The following YAP1 variants were observed in gnomAD, a reference collection of about 807,000 sequenced individuals.
YAP1 encodes the protein Yes1 associated transcriptional regulator.
In YAP1, 5 loss-of-function variants were observed where a neutral mutation model predicts 56.9. The observed-to-expected ratio is 0.09, with a 90% CI of 0.05 to 0.18. The LOEUF (loss-of-function observed/expected upper bound fraction) is 0.18. Among genes scored for constraint, YAP1 ranks in the 10% least tolerant of loss-of-function variants. YAP1 has a pLI of 1.00. For missense variants in YAP1, 539 were observed against 651.8 expected (o/e 0.83, Z 1.88); for synonymous variants, 265 against 248.1 (o/e 1.07, Z -0.64).
At chr11:102,212,684 A>T (rs1949464876) in intron 6 of YAP1, among the ~76,000 whole-genome samples, 1 of 152,100 alleles carries the variant, frequency 6.6e-6, no homozygotes, top group Admixed American at 6.5e-5. Context: ...TCCCGGGTTC[A>T]AATGATTCTG....
At chr11:102,169,738 A>G (rs1028086971) in intron 3 of YAP1, among the ~76,000 whole-genome samples, 1 of 152,210 alleles carries the variant, frequency 6.6e-6, no homozygotes, top group Non-Finnish European at 1.5e-5. Context: ...GTATAAGGAA[A>G]AGCATAATAA....
chr11:102,197,293 G>T (rs1166138021), intron 4 of YAP1, among the ~76,000 whole-genome samples: 1 of 152,142 alleles, frequency 6.6e-6, no homozygotes, highest in Non-Finnish European at 1.5e-5. Flanking sequence ...TGGGAGATTT[G>T]ATGTAATGTT....
At chr11:102,127,924 C>T (rs187844448) in intron 2 of YAP1, among the ~76,000 whole-genome samples, 15 of 152,324 alleles carry the variant, frequency 9.8e-5, no homozygotes, top group Admixed American at 2.6e-4. Context: ...CACTGGATTT[C>T]GGACTCGCAT....
At chr11:102,132,253 T>A (rs1448552426) in intron 2 of YAP1, among the ~76,000 whole-genome samples, 1 of 152,256 alleles carries the variant, frequency 6.6e-6, no homozygotes, top group African/African-American at 2.4e-5. Flanking sequence ...AGCTAGTGAT[T>A]GTGTGGACAT....
At position 102,227,585 on chromosome 11, in the gene YAP1, G is replaced by A; in HGVS notation, c.1276+4G>A. 1.3e-6 allele frequency: 2 copies of A among 1,599,690 alleles called. No individual in the cohort carries two copies. The highest frequency in any genetic ancestry group is 1.1e-5 in the South Asian group (1 of 90,200). On this transcript the variant is annotated splice_donor_region_variant and intron_variant, in intron 8 of 8. Coordinates refer to ENST00000282441, the MANE Select transcript of YAP1 (RefSeq NM_001130145.3). Reference sequence around the variant, plus strand: ...AGTGTGGATGAGATGGATACAGGTTGGTATTCTTTATTCCTCTTAGTAACC... The same window carrying A: ...AGTGTGGATGAGATGGATACAGGTTAGTATTCTTTATTCCTCTTAGTAACC...
intron 4 of YAP1, among the ~76,000 whole-genome samples, chr11:102,187,432 G>T (rs2135515597): frequency 6.6e-6 from 1 of 152,254 alleles, no homozygotes; most frequent in South Asian, 2.1e-4. Context: ...ATTTGAATTA[G>T]CCCTTGTGAT....
chr11:102,164,578 A>G (rs975362208), intron 3 of YAP1, among the ~76,000 whole-genome samples: 6 of 152,218 alleles, frequency 3.9e-5, no homozygotes, highest in Non-Finnish European at 7.3e-5. Context: ...GCGTCTAACA[A>G]GGTTGATTGT....
chr11:102,186,517 G>A (rs914649198), intron 4 of YAP1: 3 of 255,306 alleles, frequency 1.2e-5, no homozygotes, highest in African/African-American at 4.7e-5. Flanking sequence ...GTGACCTGAT[G>A]TCTGCTTGTG....
intron 3 of YAP1, among the ~76,000 whole-genome samples, chr11:102,183,517 A>G (rs986366615): frequency 2.0e-5 from 3 of 152,204 alleles, no homozygotes; most frequent in African/African-American, 4.8e-5. Context: ...GAAGTGGTCA[A>G]AAAAGAGAGC....
intron 4 of YAP1, among the ~76,000 whole-genome samples, chr11:102,190,671 C>T (rs1440281212): frequency 6.6e-6 from 1 of 152,048 alleles, no homozygotes; most frequent in African/African-American, 2.4e-5. Flanking sequence ...GATGCAGTGG[C>T]TCACGCCTGT....
Position 102,186,106 on chromosome 11 carries a change from A to C in YAP1, c.777A>C (p.Leu259=). The change falls in exon 4 of 9, where the codon CTA becomes CTC. Residue 259 remains leucine, a synonymous_variant. Coordinates refer to ENST00000282441, the MANE Select transcript of YAP1 (RefSeq NM_001130145.3). ...INHKNKTTSW[L]DPRLDPRFAM... ...ATAAGAACAAGACCACCTCTTGGCTAGACCCAAGGCTTGACCCTCGTTTTG... is the reference window on the plus strand; with the variant it reads ...ATAAGAACAAGACCACCTCTTGGCTCGACCCAAGGCTTGACCCTCGTTTTG... The C allele has an allele frequency of 6.2e-7, 1 of 1,613,206 alleles. No homozygotes were observed. The highest frequency in any genetic ancestry group is 8.5e-7 in the Non-Finnish European group (1 of 1,179,540).
rs2135731411 is a variant in YAP1 at position 102,230,330 on chromosome 11, G to A, written c.*390G>A. 1 of 172,000 alleles carries A rather than the reference G, an allele frequency of 5.8e-6. No individual in the cohort carries two copies. The highest frequency in any genetic ancestry group is 1.6e-4 in the East Asian group (1 of 6,330). 10.7% of individuals were successfully genotyped at this position (172,000 alleles called of 1,614,324 possible). ...CAGATGCTTCATGTCACAGCATTTA[G>A]TTTGTTCAACAGTTGTTTCTTCAGC... On this transcript the variant is annotated 3_prime_UTR_variant, in exon 9 of 9. Transcript: ENST00000282441.
chr11:102,134,466 T>C (rs571624384), intron 2 of YAP1, among the ~76,000 whole-genome samples: 1 of 148,594 alleles, frequency 6.7e-6, no homozygotes, highest in South Asian at 2.1e-4. Flanking sequence ...CTTTTTTTAA[T>C]CTATGAAAAA....
chr11:102,163,160 C>T (rs957107937), intron 3 of YAP1, among the ~76,000 whole-genome samples: 1 of 152,026 alleles, frequency 6.6e-6, no homozygotes, highest in Non-Finnish European at 1.5e-5. Flanking sequence ...AGAAGATAAA[C>T]CTGAGTATAA....
chr11:102,115,601 T>C (rs534539394), intron 2 of YAP1, among the ~76,000 whole-genome samples: 2 of 151,814 alleles, frequency 1.3e-5, no homozygotes, highest in African/African-American at 4.8e-5. Flanking sequence ...CTTTTCTTCT[T>C]TTTTTTTAAA....
chr11:102,194,220 T>C (rs897718423), intron 4 of YAP1, among the ~76,000 whole-genome samples: 1 of 152,226 alleles, frequency 6.6e-6, no homozygotes, highest in African/African-American at 2.4e-5. Flanking sequence ...GCTTGCTACT[T>C]TTTGTACCAA....
intron 2 of YAP1, among the ~76,000 whole-genome samples, chr11:102,159,163 C>A (rs373095470): frequency 6.6e-6 from 1 of 152,110 alleles, no homozygotes; most frequent in East Asian, 1.9e-4. Context: ...TTTTCTAGTT[C>A]ATTCTCTGTC....
intron 6 of YAP1, among the ~76,000 whole-genome samples, chr11:102,209,814 A>G (rs1233893810): frequency 6.6e-6 from 1 of 152,126 alleles, no homozygotes; most frequent in Non-Finnish European, 1.5e-5. Context: ...TTTTTATTCT[A>G]TATTTAAATG....
chr11:102,138,596 C>G (rs1175799374), intron 2 of YAP1, among the ~76,000 whole-genome samples: 1 of 152,180 alleles, frequency 6.6e-6, no homozygotes, highest in African/African-American at 2.4e-5. Flanking sequence ...GAAAATTTAG[C>G]AGAAATGGAT....
Sources: gnomAD v4.1 joint callset for allele counts (sites outside exome capture counted in the v4.1 genomes callset) on GRCh38, gnomAD v4.1.1 for gene constraint, MANE v1.5 for transcripts, NCBI Gene and HGNC (gene_info 2026-07-23, HGNC 2026-07-21) for gene names.